SAMD12: variants seen among roughly 807,000 people sequenced by gnomAD.
The protein encoded by SAMD12 is sterile alpha motif domain-containing protein 12.
In SAMD12, 9 loss-of-function variants were observed where a neutral mutation model predicts 15.0. The ratio of observed to expected loss-of-function variants is 0.60; its 90% CI spans 0.36 to 1.05. The LOEUF (loss-of-function observed/expected upper bound fraction) is 1.05. SAMD12 is among the 50% of genes least tolerant of loss of function. SAMD12 has a pLI of 0.01. For missense variants in SAMD12, 230 were observed against 234.2 expected, an observed-to-expected ratio of 0.98 and a Z score of 0.12; for synonymous variants, 86 against 90.1, an observed-to-expected ratio of 0.96 and a Z score of 0.25.
chr8:118,218,832 A>G (rs1326215974), intron 4 of SAMD12, among the ~76,000 whole-genome samples: 1 of 152,148 alleles, frequency 6.6e-6, no homozygotes, highest in Non-Finnish European at 1.5e-5. Flanking sequence ...GTGTTCATCT[A>G]GTTGACCTTC....
At chr8:118,608,654 C>T (rs1828036407) in intron 1 of SAMD12, among the ~76,000 whole-genome samples, 1 of 152,030 alleles carries the variant, frequency 6.6e-6, no homozygotes, top group Non-Finnish European at 1.5e-5. Context: ...CAGGTGTGCA[C>T]CACCACACCT....
At chr8:118,412,024 T>G (rs1047289395) in intron 3 of SAMD12, among the ~76,000 whole-genome samples, 1 of 152,200 alleles carries the variant, frequency 6.6e-6, no homozygotes, top group Non-Finnish European at 1.5e-5. Flanking sequence ...AGACCATATG[T>G]GGCAAACAAA....
chr8:118,198,355 T>G (rs1819624193), intron 4 of SAMD12, among the ~76,000 whole-genome samples: 2 of 152,188 alleles, frequency 1.3e-5, no homozygotes, highest in Non-Finnish European at 2.9e-5. Context: ...ATAAAAATAT[T>G]AATGTATTTT....
intron 2 of SAMD12, among the ~76,000 whole-genome samples, chr8:118,545,112 T>C (rs1209754932): frequency 6.6e-6 from 1 of 152,158 alleles, no homozygotes; most frequent in Admixed American, 6.5e-5. Flanking sequence ...CAAAACTATA[T>C]AAATATGTGT....
At chr8:118,371,845 C>G (rs946546599) in intron 4 of SAMD12, among the ~76,000 whole-genome samples, 15 of 151,996 alleles carry the variant, frequency 9.9e-5, no homozygotes, top group African/African-American at 3.6e-4. Context: ...AGGACCTACC[C>G]CCAGGAGGAA....
At chr8:118,398,689 G>A (rs537536986) in intron 3 of SAMD12, among the ~76,000 whole-genome samples, 22 of 152,204 alleles carry the variant, frequency 1.4e-4, no homozygotes, top group African/African-American at 5.1e-4. Flanking sequence ...AGTGGAATTG[G>A]GGGAGAAAGG....
At chr8:118,206,436 G>T (rs1819864851) in intron 4 of SAMD12, among the ~76,000 whole-genome samples, 1 of 152,318 alleles carries the variant, frequency 6.6e-6, no homozygotes, top group African/African-American at 2.4e-5. Context: ...AGGCAGACAG[G>T]AGAAGCTATT....
At chr8:118,222,609 G>A (rs1473808505) in intron 4 of SAMD12, among the ~76,000 whole-genome samples, 2 of 152,112 alleles carry the variant, frequency 1.3e-5, no homozygotes, top group East Asian at 1.9e-4. Flanking sequence ...GGGTTCAAGC[G>A]ATTCTGCTGC....
chr8:118,184,732 G>A (rs577833973), downstream of SAMD12, among the ~76,000 whole-genome samples: 55 of 152,156 alleles, frequency 3.6e-4, no homozygotes, highest in African/African-American at 1.1e-3. Context: ...CCTGACCTCA[G>A]GTGATCCACC....
At chr8:118,211,725 G>A (rs1478427822) in intron 4 of SAMD12, among the ~76,000 whole-genome samples, 1 of 151,690 alleles carries the variant, frequency 6.6e-6, no homozygotes, top group Non-Finnish European at 1.5e-5. Flanking sequence ...ACAGGATTGC[G>A]AGGGAGTCCT....
At chr8:118,385,558 CATGTAT>C (rs1265396680) in intron 3 of SAMD12, among the ~76,000 whole-genome samples, 15 of 152,230 alleles carry the variant, frequency 9.9e-5, no homozygotes, top group South Asian at 6.2e-4. Flanking sequence ...TCTGTATGTA[CATGTAT>C]ATGTATATGT....
chr8:118,304,564 C>T (rs1447491473), intron 4 of SAMD12, among the ~76,000 whole-genome samples: 11 of 151,854 alleles, frequency 7.2e-5, no homozygotes, highest in African/African-American at 1.7e-4. Flanking sequence ...TCGAGACCAT[C>T]CTGGTTAACA....
chr8:118,419,326 GAA>G (rs1821883788), intron 3 of SAMD12, among the ~76,000 whole-genome samples: 1 of 152,012 alleles, frequency 6.6e-6, no homozygotes, highest in African/African-American at 2.4e-5. Context: ...TTCCTCATTT[GAA>G]AAGAGTTTCA....
intron 2 of SAMD12, among the ~76,000 whole-genome samples, chr8:118,497,728 G>T (rs1169165356): frequency 4.3e-5 from 5 of 116,840 alleles, no homozygotes; most frequent in Admixed American, 8.3e-5. Context: ...AGTTGCGGGG[G>T]GGGGTGGGGG....
At chr8:118,375,514 G>A (rs923326699), downstream of SAMD12, among the ~76,000 whole-genome samples, 3 of 152,086 alleles carry the variant, frequency 2.0e-5, no homozygotes, top group African/African-American at 4.8e-5. Flanking sequence ...ATTAAATTGC[G>A]TGGCTTCTAT....
At chr8:118,484,090 G>A (rs1305815488) in intron 2 of SAMD12, among the ~76,000 whole-genome samples, 1 of 152,172 alleles carries the variant, frequency 6.6e-6, no homozygotes, top group Non-Finnish European at 1.5e-5. Context: ...AACAGAGTAG[G>A]GTAAGGGGAA....
chr8:118,487,480 G>A (rs977351988), intron 2 of SAMD12, among the ~76,000 whole-genome samples: 2 of 152,168 alleles, frequency 1.3e-5, no homozygotes. Flanking sequence ...CCAGGCTTCT[G>A]CTACTTAGGT....
the SAMD12 span, among the ~76,000 whole-genome samples, chr8:118,165,937 C>A: frequency 6.6e-6 from 1 of 152,034 alleles, no homozygotes; most frequent in South Asian, 2.1e-4. Flanking sequence ...TTTTTTGTGG[C>A]ATCTTGGCTT....
At chr8:118,464,873 T>C (rs975544554) in intron 2 of SAMD12, among the ~76,000 whole-genome samples, 3 of 152,186 alleles carry the variant, frequency 2.0e-5, no homozygotes, top group Non-Finnish European at 4.4e-5. Context: ...CCAAGTCCTA[T>C]TGAAATGGTC....
Sources: gnomAD v4.1 joint callset for allele counts (sites outside exome capture counted in the v4.1 genomes callset) on GRCh38, gnomAD v4.1.1 for gene constraint, MANE v1.5 for transcripts, NCBI Gene and HGNC (gene_info 2026-07-23, HGNC 2026-07-21) for gene names.